Variants in ATP2C2 observed in about 807,000 individuals in gnomAD.
ATP2C2 encodes calcium-transporting ATPase type 2C member 2.
A neutral mutation model predicts 110.8 loss-of-function variants in ATP2C2; 171 were observed. That is an observed-to-expected ratio of 1.54 (90% confidence interval 1.36 to 1.75). ATP2C2 has a LOEUF of 1.75. Ranked by LOEUF, ATP2C2 falls within the 40% of genes most tolerant of loss-of-function variation. The pLI, the probability that ATP2C2 is intolerant of heterozygous loss-of-function variation, is 0.00. For missense variants in ATP2C2, 1,963 were observed against 1,235.0 expected (o/e 1.59, Z -8.84); for synonymous variants, 804 against 508.4 (o/e 1.58, Z -7.82).
chr16:84,373,465 A>C (rs1350363719), intron 1 of ATP2C2, among the ~76,000 whole-genome samples: 1 of 152,012 alleles, frequency 6.6e-6, no homozygotes, highest in Non-Finnish European at 1.5e-5. Context: ...GCGCCACTAC[A>C]CTCCAGCCTG....
intron 1 of ATP2C2, among the ~76,000 whole-genome samples, chr16:84,372,883 G>A (rs1239667719): frequency 1.3e-5 from 2 of 151,650 alleles, no homozygotes; most frequent in African/African-American, 4.8e-5. Flanking sequence ...CACTTTGGGA[G>A]GCTGAGGCGT....
intron 6 of ATP2C2, among the ~76,000 whole-genome samples, chr16:84,413,853 G>A (rs537910835): frequency 1.3e-5 from 2 of 152,114 alleles, no homozygotes; most frequent in African/African-American, 2.4e-5. Flanking sequence ...AGCACCTACT[G>A]TATGCCTGGA....
At chr16:84,379,636 G>A (rs1910460467) in intron 1 of ATP2C2, among the ~76,000 whole-genome samples, 2 of 152,186 alleles carry the variant, frequency 1.3e-5, no homozygotes, top group Admixed American at 1.3e-4. Flanking sequence ...CCTCGCCGGG[G>A]GGTTCTGAGG....
At chr16:84,461,881 G>C in intron 25 of ATP2C2, 69 bp downstream of exon 25, 1 of 1,608,790 alleles carries the variant, frequency 6.2e-7, no homozygotes. Context: ...CCCCGACCCT[G>C]CCCGCAGCAT....
At chr16:84,387,950 C>A (rs1431648332) in intron 1 of ATP2C2, among the ~76,000 whole-genome samples, 4 of 150,312 alleles carry the variant, frequency 2.7e-5, no homozygotes, top group Admixed American at 6.6e-5. Context: ...AATAGAAGCA[C>A]CTGGGGGCTT....
At chr16:84,406,875 C>G (rs1905818828) in intron 3 of ATP2C2, among the ~76,000 whole-genome samples, 1 of 152,182 alleles carries the variant, frequency 6.6e-6, no homozygotes, top group Non-Finnish European at 1.5e-5. Context: ...TCGTTCCCCT[C>G]TGCTCTGTCG....
chr16:84,450,578 G>T (rs1362383320), intron 17 of ATP2C2, among the ~76,000 whole-genome samples: 3 of 152,124 alleles, frequency 2.0e-5, no homozygotes, highest in Non-Finnish European at 2.9e-5. Flanking sequence ...GGGAGGGGAG[G>T]GGACCATTGG....
intron 1 of ATP2C2, among the ~76,000 whole-genome samples, chr16:84,376,891 C>A (rs1352717758): frequency 1.3e-5 from 2 of 152,218 alleles, no homozygotes; most frequent in East Asian, 3.8e-4. Context: ...GTGAGGCTGG[C>A]CCTGCTGAAG....
intron 11 of ATP2C2, among the ~76,000 whole-genome samples, chr16:84,432,794 T>C (rs564549154): frequency 6.6e-6 from 1 of 152,238 alleles, no homozygotes; most frequent in African/African-American, 2.4e-5. Flanking sequence ...GTGCTGGGAT[T>C]ACAGGTGTGA....
At chr16:84,460,466 A>C (rs1429734654) in intron 23 of ATP2C2, 188 bp from the exon 24 acceptor site, 5 of 777,028 alleles carry the variant, frequency 6.4e-6, no homozygotes, top group Admixed American at 2.1e-5. Flanking sequence ...ACAGCTGCCC[A>C]TGGACCCAGG....
chr16:84,443,278 C>G (rs770663660), intron 15 of ATP2C2, among the ~76,000 whole-genome samples: 5 of 152,156 alleles, frequency 3.3e-5, no homozygotes, highest in African/African-American at 2.4e-5. Flanking sequence ...GAAGGTGGCC[C>G]CGGTCAGCTC....
rs182250801 is a variant in ATP2C2, at chr16:84,445,202, G to A, written c.1402-1127G>A. ...GCTCCCCGCCACGCCTCTGCGCAGC[G>A]TTTTCCTCTTTTTTTTTTTTTTTTG... On this transcript the variant is annotated intron_variant, in intron 15 of 26. Coordinates refer to ENST00000262429, the MANE Select transcript of ATP2C2 (RefSeq NM_014861.4). Among the ~76,000 whole-genome samples the A allele has an allele frequency of 4.2e-3, 630 of 148,684 alleles. 20 individuals carry two copies. Among genetic ancestry groups the A allele is most frequent in the Admixed American group, 0.039 (580 of 14,820 alleles).
chr16:84,459,555 G>C (rs752698490), intron 23 of ATP2C2, 169 bp downstream of exon 23: 1 of 1,537,726 alleles, frequency 6.5e-7, no homozygotes, highest in Admixed American at 2.0e-5. Flanking sequence ...ACTGGGAGTA[G>C]AAGGCAGAGG....
chr16:84,432,592 C>T (rs1908380073), intron 11 of ATP2C2, among the ~76,000 whole-genome samples: 1 of 152,036 alleles, frequency 6.6e-6, no homozygotes, highest in Non-Finnish European at 1.5e-5. Flanking sequence ...GTGATCTTGG[C>T]CCACTGCCAC....
chr16:84,429,586 C>A (rs950182379), intron 11 of ATP2C2, among the ~76,000 whole-genome samples: 1 of 152,016 alleles, frequency 6.6e-6, no homozygotes, highest in African/African-American at 2.4e-5. Flanking sequence ...AGGTTGTGAA[C>A]AAGACAGTCA....
chr16:84,407,963 G>C (rs1268265646), intron 3 of ATP2C2, among the ~76,000 whole-genome samples: 1 of 152,244 alleles, frequency 6.6e-6, no homozygotes, highest in Admixed American at 6.5e-5. Context: ...GTTTTAGAGA[G>C]GGACATCATT....
chr16:84,424,899 C>G (rs1405690383), intron 10 of ATP2C2, among the ~76,000 whole-genome samples: 1 of 152,136 alleles, frequency 6.6e-6, no homozygotes. Flanking sequence ...GAGTGAGTAC[C>G]TAGTGGGGGT....
In ATP2C2 at chr16:84,422,583, G is replaced by A. The variant is rs199681456; in HGVS notation, c.774+44G>A. On this transcript the variant is annotated intron_variant, in intron 8 of 26. Transcript: ENST00000262429. ...AGGCCTTGGGCTCCCGTAACCCACA[G>A]GCTCCCAGCCCTTAGATTTCATACT... The A allele has an allele frequency of 3.2e-4, 513 of 1,611,828 alleles. 2 individuals are homozygous for A. The African/African-American group carries it at 5.5e-3, about 17-fold the overall frequency.
At position 84,419,213 on chromosome 16, in the gene ATP2C2, A is replaced by G. The variant is rs1467172016; in HGVS notation, c.625-3177A>G. Among the ~76,000 whole-genome samples the G allele has an allele frequency of 1.3e-4, 17 of 133,488 alleles. No individual in the cohort carries two copies. The East Asian group carries it at 3.6e-3, about 28-fold the overall frequency. The allele number at this position is 133,488 out of a possible 152,430, so 87.6% of individuals were successfully genotyped here. ...ACAGAGTGAGACCCCATCTTTAAAA[A>G]AAAAAAAAAAAAAAAAAAAAAAAAA... On this transcript the variant is annotated intron_variant, in intron 7 of 26. Coordinates refer to ENST00000262429, the MANE Select transcript of ATP2C2 (RefSeq NM_014861.4).
Sources: allele counts gnomAD v4.1 joint callset (sites outside exome capture counted in the v4.1 genomes callset), GRCh38; gene constraint gnomAD v4.1.1; transcripts MANE v1.5; gene names NCBI Gene and HGNC (gene_info 2026-07-23, HGNC 2026-07-21).